PARS2: variants seen among roughly 807,000 people sequenced by gnomAD.
The protein encoded by PARS2 is probable proline--tRNA ligase, mitochondrial.
PARS2 carries 20 observed loss-of-function variants against 27.4 expected under a neutral mutation model. That is an observed-to-expected ratio of 0.73 (90% CI 0.51 to 1.06). PARS2 has a LOEUF of 1.06. PARS2 is among the 50% of genes least tolerant of loss of function. The pLI is 0.00. For synonymous variants in PARS2, 240 were observed against 247.1 expected, an observed-to-expected ratio of 0.97 and a Z score of 0.27; for missense variants, 585 against 602.1, an observed-to-expected ratio of 0.97 and a Z score of 0.30.
At position 54,758,121 on chromosome 1, in the gene PARS2, G is replaced by C. The variant is rs547116468; in HGVS notation, c.1041C>G (p.Ile347Met). ...MGCYGLGVTR[I>M]LAAAIEVLST... ...AGAGGACTTCAATGGCAGCAGCCAA[G>C]ATCCGTGTCACACCCAAGCCATAGC... The change falls in exon 2 of 2, where the codon ATC becomes ATG. Residue 347 changes from isoleucine to methionine, a missense_variant. By Grantham distance (10) the Ile-to-Met change is conservative. Coordinates refer to ENST00000371279, the MANE Select transcript of PARS2 (RefSeq NM_152268.4). 3 of 1,614,228 alleles carry C rather than the reference G, an allele frequency of 1.9e-6. No individual in the cohort carries two copies. Among genetic ancestry groups the C allele is most frequent in the Non-Finnish European group, 2.5e-6 (3 of 1,180,046 alleles).
At position 54,759,126 on chromosome 1, in the gene PARS2, G is replaced by A. The variant is rs200754768; in HGVS notation, c.36C>T (p.Pro12=). 2.4e-5 allele frequency: 39 copies of A among 1,607,864 alleles called. No homozygotes were observed. Among genetic ancestry groups the A allele is most frequent in the Admixed American group, 5.0e-5 (3 of 59,752 alleles). The change falls in exon 2 of 2, where the codon CCC becomes CCT. Residue 12 remains proline (P), a synonymous_variant. Coordinates refer to ENST00000371279, the MANE Select transcript of PARS2 (RefSeq NM_152268.4). Reference sequence around the variant, plus strand: ...GCTGGCGGCTGCAGGTGGCCAGGGCGGGCAATGCTCTGCATCTTGTCAGCA... The same window carrying A: ...GCTGGCGGCTGCAGGTGGCCAGGGCAGGCAATGCTCTGCATCTTGTCAGCA... ...EGLLTRCRAL[P]ALATCSRQLS...
intron 1 of PARS2, among the ~76,000 whole-genome samples, chr1:54,763,805 G>GC (rs1223857422): frequency 1.3e-5 from 2 of 152,080 alleles, no homozygotes; most frequent in African/African-American, 4.8e-5. Flanking sequence ...ACTCACCATT[G>GC]CCCCCCAATC....
chr1:54,761,136 C>T lies in PARS2; in HGVS notation c.-29-1946G>A, dbSNP rs76647403. 4.5e-4 allele frequency among the ~76,000 whole-genome samples: 69 copies of T among 152,272 alleles called. No individual in the cohort carries two copies. In the East Asian group the frequency reaches 0.012, roughly 26 times the overall value. On this transcript the variant is annotated intron_variant, in intron 1 of 1. Coordinates refer to ENST00000371279, the MANE Select transcript of PARS2 (RefSeq NM_152268.4). ...CACAGAACACCCCTCTCCCCTTTTCCTGCCAACATCTAGCCGTCCTCTAGG... is the reference window on the plus strand; with the variant it reads ...CACAGAACACCCCTCTCCCCTTTTCTTGCCAACATCTAGCCGTCCTCTAGG...
rs2240396 is a variant in PARS2 at position 54,757,517 on chromosome 1, C to T, written c.*217G>A. On this transcript the variant is annotated 3_prime_UTR_variant, in exon 2 of 2. Coordinates refer to ENST00000371279, the MANE Select transcript of PARS2 (RefSeq NM_152268.4). ...GGAATACAAAAGGAAAGGTATATGG[C>T]GGCATGGCCAGTCTGGAGAAAGGGA... The T allele has an allele frequency of 0.21, 108,354 of 504,458 alleles. 14,381 individuals are homozygous for T. Among genetic ancestry groups the T allele is most frequent in the East Asian group, 0.55 (16,918 of 30,680 alleles). 31.2% of individuals were successfully genotyped at this position (504,458 alleles called of 1,614,324 possible). A position where few individuals can be genotyped will look rare whatever the true frequency, so the allele number is the denominator to read the frequency against.
At position 54,759,097 on chromosome 1, in the gene PARS2, G is replaced by A; in HGVS notation, c.65C>T (p.Ser22Phe). The A allele has an allele frequency of 6.2e-7, 1 of 1,612,566 alleles. No homozygotes were observed. Residue 22 changes from serine (S) to phenylalanine (F), a missense_variant, in exon 2 of 2, where the codon TCT (serine) becomes TTT (phenylalanine). Transcript: ENST00000371279. ...PALATCSRQL[S>F]GYVPCRFHHC... ...GTGAAACCTGCAAGGAACATACCCA[G>A]AGAGCTGGCGGCTGCAGGTGGCCAG...
In PARS2 at chr1:54,758,468, T is replaced by C; in HGVS notation, c.694A>G (p.Ser232Gly). 2 of 1,614,106 alleles carry C rather than the reference T, an allele frequency of 1.2e-6. No individual in the cohort carries two copies. Among genetic ancestry groups the C allele is most frequent in the Non-Finnish European group, 1.7e-6 (2 of 1,180,004 alleles). Reference protein sequence around the residue: ...TYSLVCDAYCSLFNKLGLPFV... With the variant: ...TYSLVCDAYCGLFNKLGLPFV... Reference sequence around the variant, plus strand: ...GGCAGCCCTAGCTTGTTGAACAGGCTGCAGTAGGCATCACACACCAGGCTG... The same window carrying C: ...GGCAGCCCTAGCTTGTTGAACAGGCCGCAGTAGGCATCACACACCAGGCTG... The change falls in exon 2 of 2, where the codon AGC becomes GGC. Residue 232 changes from serine to glycine, a missense_variant. Ser to Gly is a moderately conservative substitution (Grantham distance 56). Coordinates refer to ENST00000371279, the MANE Select transcript of PARS2 (RefSeq NM_152268.4).
At position 54,758,886 on chromosome 1, in the gene PARS2, T is replaced by C. The variant is rs758254364; in HGVS notation, c.276A>G (p.Pro92=). 3.7e-6 allele frequency: 6 copies of C among 1,614,060 alleles called. No homozygotes were observed. In the Admixed American group the frequency reaches 1.0e-4, roughly 27 times the overall value. Residue 92 remains proline, a synonymous_variant, in exon 2 of 2, where the codon CCA becomes CCG. Coordinates refer to ENST00000371279, the MANE Select transcript of PARS2 (RefSeq NM_152268.4). Reference sequence around the variant, plus strand: ...GCTTCTCCATGGCACGGACGGTATATGGCAGGAGGTGGTAACAGCCGGGGC... The same window carrying C: ...GCTTCTCCATGGCACGGACGGTATACGGCAGGAGGTGGTAACAGCCGGGGC... ...PASPGCYHLL[P]YTVRAMEKLV... is the part of the protein sequence containing the mutation.
Position 54,758,301 on chromosome 1 carries a change from C to CA in PARS2, c.860dup (p.Leu287PhefsTer15). 6.2e-7 allele frequency: 1 copy of CA among 1,614,236 alleles called. No homozygotes were observed. The highest frequency in any genetic ancestry group is 2.2e-5 in the East Asian group (1 of 44,886). ...GGCAAGCAGGGCAGTTCATTTGTGA[C>CA]AAGTCTAGTGTCTCCATGTTGGCTG... On this transcript the variant is annotated frameshift_variant, in exon 2 of 2. Coordinates refer to ENST00000371279, the MANE Select transcript of PARS2 (RefSeq NM_152268.4). LOFTEE classifies it high-confidence loss of function.
chr1:54,757,641 TG>T lies in PARS2; in HGVS notation c.*92del. 2 of 761,238 alleles carry T rather than the reference TG, an allele frequency of 2.6e-6. No homozygotes were observed. Among genetic ancestry groups the T allele is most frequent in the East Asian group, 2.6e-5 (1 of 39,110 alleles). 47.2% of individuals were successfully genotyped at this position (761,238 alleles called of 1,614,324 possible). A position where few individuals can be genotyped will look rare whatever the true frequency, so the allele number is the denominator to read the frequency against. On this transcript the variant is annotated 3_prime_UTR_variant, in exon 2 of 2. Transcript: ENST00000371279. ...CACCCTCCATGAGCTGTGCTGTTTC[TG>T]GAGAGAGCAGTCCAGGAAAGGGGTG... is the stretch of plus-strand genomic sequence containing the variant.
intron 1 of PARS2, 32 bp from the exon 2 acceptor site, chr1:54,759,222 C>T: frequency 1.5e-6 from 2 of 1,361,842 alleles, no homozygotes; most frequent in Admixed American, 2.4e-5. Context: ...GAGAATGAGC[C>T]TCATCCGTGT....
chr1:54,763,214 C>T (rs1646166719), intron 1 of PARS2, among the ~76,000 whole-genome samples: 1 of 152,196 alleles, frequency 6.6e-6, no homozygotes, highest in Non-Finnish European at 1.5e-5. Flanking sequence ...CCTCTGTGCT[C>T]CACTGCACAC....
chr1:54,759,914 G>C (rs1034373081), intron 1 of PARS2, among the ~76,000 whole-genome samples: 4 of 152,070 alleles, frequency 2.6e-5, no homozygotes, highest in African/African-American at 9.7e-5. Flanking sequence ...TGAGGCAGGA[G>C]AATCACTTGA....
chr1:54,757,524 G>A lies in PARS2; in HGVS notation c.*210C>T, dbSNP rs74946945. 0.021 allele frequency: 10,835 copies of A among 524,580 alleles called. 652 individuals are homozygous for A. Among genetic ancestry groups the A allele is most frequent in the East Asian group, 0.14 (4,463 of 32,184 alleles). 32.5% of individuals were successfully genotyped at this position (524,580 alleles called of 1,614,324 possible). A position where few individuals can be genotyped will look rare whatever the true frequency, so the allele number is the denominator to read the frequency against. ...AAAAGGAAAGGTATATGGCGGCATG[G>A]CCAGTCTGGAGAAAGGGATCAAGTT... On this transcript the variant is annotated 3_prime_UTR_variant, in exon 2 of 2. Transcript: ENST00000371279.
Position 54,758,408 on chromosome 1 carries a change from C to T in PARS2, c.754G>A (p.Gly252Arg), listed in dbSNP as rs768275963. The change falls in exon 2 of 2, where the codon GGG (glycine) becomes AGG (arginine). Residue 252 changes from glycine to arginine, a missense_variant. Coordinates refer to ENST00000371279, the MANE Select transcript of PARS2 (RefSeq NM_152268.4). Reference protein sequence around the residue: ...VKVQADVGTIGGTVSHEFQLP... With the variant: ...VKVQADVGTIRGTVSHEFQLP... The stretch of plus-strand genomic sequence containing the variant: ...TGGAACTCATGAGACACTGTGCCCC[C>T]GATGGTGCCCACATCGGCCTGGACC... The T allele has an allele frequency of 1.4e-5, 22 of 1,614,050 alleles. No homozygotes were observed. The highest frequency in any genetic ancestry group is 6.7e-5 in the East Asian group (3 of 44,888).
At chr1:54,759,418 T>C (rs1245272076) in intron 1 of PARS2, among the ~76,000 whole-genome samples, 1 of 152,216 alleles carries the variant, frequency 6.6e-6, no homozygotes, top group Non-Finnish European at 1.5e-5. Flanking sequence ...AACAACATCC[T>C]GTGGAGAGAC....
rs777724053 is a variant in PARS2, at chr1:54,758,379, G to A, written c.783C>T (p.Leu261=). The A allele has an allele frequency of 1.2e-6, 2 of 1,614,166 alleles. No homozygotes were observed. Among genetic ancestry groups the A allele is most frequent in the South Asian group, 2.2e-5 (2 of 91,086 alleles). The change falls in exon 2 of 2, where the codon CTC becomes CTT. Residue 261 remains leucine, a synonymous_variant. Transcript: ENST00000371279. ...IGGTVSHEFQ[L]PVDIGEDRLA... ...GCCGGTCCTCTCCAATATCCACTGG[G>A]AGCTGGAACTCATGAGACACTGTGC...
At chr1:54,761,154 C>T (rs1366765485) in intron 1 of PARS2, among the ~76,000 whole-genome samples, 2 of 152,180 alleles carry the variant, frequency 1.3e-5, no homozygotes, top group Non-Finnish European at 2.9e-5. Flanking sequence ...ATCTAGCCGT[C>T]CTCTAGGCCT....
intron 1 of PARS2, among the ~76,000 whole-genome samples, chr1:54,759,939 G>A (rs1646146753): frequency 6.6e-6 from 1 of 152,128 alleles, no homozygotes. Context: ...GGGAGGTGGA[G>A]GTTGCAGTGA....
chr1:54,757,972 A>C lies in PARS2; in HGVS notation c.1190T>G (p.Ile397Ser), dbSNP rs1646130997. 6.2e-7 allele frequency: 1 copy of C among 1,613,918 alleles called. No homozygotes were observed. Among genetic ancestry groups the C allele is most frequent in the Non-Finnish European group, 8.5e-7 (1 of 1,179,980 alleles). The change falls in exon 2 of 2, where the codon ATC becomes AGC. Residue 397 changes from isoleucine to serine, a missense_variant. By Grantham distance (142) the Ile-to-Ser change is moderately radical (BLOSUM62 -2). Transcript: ENST00000371279. ...SELIGQLYDH[I>S]TEAVPQLHGE... ...GTGAAGCTGAGGCACTGCCTCTGTG[A>C]TGTGGTCGTACAGCTGCCCTATGAG... is the stretch of plus-strand genomic sequence containing the variant.
Sources: gnomAD v4.1 joint callset for allele counts (sites outside exome capture counted in the v4.1 genomes callset) on GRCh38, gnomAD v4.1.1 for gene constraint, MANE v1.5 for transcripts, NCBI Gene and HGNC (gene_info 2026-07-23, HGNC 2026-07-21) for gene names.